Variants in PIN4 observed in about 807,000 individuals in gnomAD.
PIN4 encodes peptidylprolyl cis/trans isomerase, NIMA-interacting 4.
In PIN4, 3 loss-of-function variants were observed where a neutral mutation model predicts 8.3. The ratio of observed to expected loss-of-function variants is 0.36; its 90% confidence interval spans 0.16 to 0.93. The LOEUF (loss-of-function observed/expected upper bound fraction) is 0.93. Ranked by LOEUF, PIN4 falls within the 40% of genes least tolerant of loss-of-function variation. The probability of loss-of-function intolerance (pLI) is 0.44; values close to 1 mark genes in which losing one functional copy is unlikely to be tolerated. For missense variants in PIN4, 75 were observed against 100.6 expected (o/e 0.75, Z 1.09); for synonymous variants, 18 against 32.5 (o/e 0.55, Z 1.52).
intron 2 of PIN4, among the ~76,000 whole-genome samples, chrX:72,195,771 C>T (rs928087219): frequency 8.9e-6 from 1 of 111,819 alleles, no homozygotes; most frequent in Admixed American, 9.5e-5. Flanking sequence ...ACATAGGTCC[C>T]GTTATCATTG....
intron 3 of PIN4, among the ~76,000 whole-genome samples, chrX:72,242,750 T>G (rs1270641309): frequency 1.8e-5 from 2 of 112,837 alleles, no homozygotes; most frequent in African/African-American, 3.2e-5. Flanking sequence ...GCTCAGTGGC[T>G]CACGCCTGTA....
intron 3 of PIN4, among the ~76,000 whole-genome samples, chrX:72,213,682 G>A (rs1445295761): frequency 1.8e-5 from 2 of 112,192 alleles, no homozygotes; most frequent in Admixed American, 9.4e-5. Flanking sequence ...CATTGTTCCT[G>A]CATGGCTAAG....
At chrX:72,204,967 C>G in intron 3 of PIN4, 7 of 1,019,274 alleles carry the variant, frequency 6.9e-6, no homozygotes, top group Non-Finnish European at 9.2e-6. Context: ...AACAAAAATT[C>G]CCTCATATTC....
intron 1 of PIN4, among the ~76,000 whole-genome samples, chrX:72,183,955 G>A: frequency 8.9e-6 from 1 of 111,852 alleles, no homozygotes; most frequent in South Asian, 3.7e-4. Context: ...CTGGAATATC[G>A]TAATGGAAGA....
intron 3 of PIN4, among the ~76,000 whole-genome samples, chrX:72,203,522 G>A (rs2042799655): frequency 1.8e-5 from 2 of 111,524 alleles, no homozygotes; most frequent in African/African-American, 6.5e-5. Flanking sequence ...GGGTAGTGTC[G>A]AAACAGAATC....
chrX:72,242,786 C>A (rs1485573175), intron 3 of PIN4, among the ~76,000 whole-genome samples: 1 of 112,188 alleles, frequency 8.9e-6, no homozygotes, highest in African/African-American at 3.2e-5. Context: ...GAGGCCGAGG[C>A]GGGCGGATCA....
chrX:72,207,509 G>A lies in PIN4; in HGVS notation c.312+10605G>A, dbSNP rs755486370. 53 of 1,208,472 alleles carry A rather than the reference G, an allele frequency of 4.4e-5. No homozygotes were observed. Among genetic ancestry groups the A allele is most frequent in the Non-Finnish European group, 5.3e-5 (47 of 894,263 alleles). ...CCAAGATTTAGCAAACAACAAGCCC[G>A]TGCAGACAGCAGCCTAGGATGATCA... On this transcript the variant is annotated intron_variant, in intron 3 of 3. Transcript: ENST00000423432.
intron 3 of PIN4, among the ~76,000 whole-genome samples, chrX:72,204,026 A>C (rs1481367969): frequency 1.8e-5 from 2 of 112,164 alleles, no homozygotes; most frequent in African/African-American, 6.5e-5. Flanking sequence ...AGAATGGCTA[A>C]ATGGTCAGCA....
At chrX:72,225,866 C>A (rs1389580282) in intron 3 of PIN4, among the ~76,000 whole-genome samples, 1 of 111,580 alleles carries the variant, frequency 9.0e-6, no homozygotes, top group African/African-American at 3.3e-5. Flanking sequence ...TGGGAGACTC[C>A]CTCCAACTGG....
chrX:72,208,173 A>G, intron 3 of PIN4: 1 of 1,211,813 alleles, frequency 8.3e-7, no homozygotes, highest in Non-Finnish European at 1.1e-6. Context: ...ATGTAGTGAT[A>G]ATAACACCAT....
intron 3 of PIN4, chrX:72,205,906 T>C: frequency 8.3e-7 from 1 of 1,211,331 alleles, no homozygotes; most frequent in Non-Finnish European, 1.1e-6. Context: ...CAAGAAAAGA[T>C]TGAAATCACA....
intron 3 of PIN4, among the ~76,000 whole-genome samples, chrX:72,218,555 A>C (rs1352016893): frequency 9.4e-5 from 10 of 106,054 alleles, no homozygotes; most frequent in African/African-American, 3.5e-4. Context: ...GTGCAGTGGC[A>C]CGGTCTTGGT....
intron 3 of PIN4, among the ~76,000 whole-genome samples, chrX:72,251,929 T>TA (rs2043089135): frequency 9.1e-6 from 1 of 109,872 alleles, no homozygotes; most frequent in South Asian, 3.9e-4. Flanking sequence ...ACCCTGTCTC[T>TA]AAAAAAAACC....
intron 1 of PIN4, among the ~76,000 whole-genome samples, chrX:72,184,930 C>T (rs1462868594): frequency 3.7e-5 from 4 of 108,956 alleles, no homozygotes; most frequent in Non-Finnish European, 7.6e-5. Flanking sequence ...ATCACGAGGT[C>T]AGGAGATCGA....
chrX:72,205,093 TTAAC>T, intron 3 of PIN4: 5 of 1,211,744 alleles, frequency 4.1e-6, no homozygotes, highest in Non-Finnish European at 5.6e-6. Context: ...GTCAAGCGCT[TTAAC>T]TAAGCAGTTT....
At chrX:72,189,457 A>G (rs183948338) in intron 2 of PIN4, among the ~76,000 whole-genome samples, 3 of 112,121 alleles carry the variant, frequency 2.7e-5, no homozygotes, top group Non-Finnish European at 5.6e-5. Flanking sequence ...ATAATACAGT[A>G]TGTAACCTTT....
At chrX:72,259,928 G>A (rs1393550308) in intron 3 of PIN4, among the ~76,000 whole-genome samples, 2 of 106,345 alleles carry the variant, frequency 1.9e-5, no homozygotes, top group Non-Finnish European at 3.9e-5. Flanking sequence ...TAGTATAGAC[G>A]GGGTTTCACC....
At chrX:72,184,607 C>T (rs2042689905) in intron 1 of PIN4, among the ~76,000 whole-genome samples, 1 of 111,377 alleles carries the variant, frequency 9.0e-6, no homozygotes, top group African/African-American at 3.3e-5. Context: ...TGACAGCATC[C>T]AGCAGGGAAG....
At chrX:72,188,618 C>G (rs770053753) in intron 2 of PIN4, among the ~76,000 whole-genome samples, 1 of 112,347 alleles carries the variant, frequency 8.9e-6, no homozygotes, top group East Asian at 2.8e-4. Flanking sequence ...CTCGGCCTCC[C>G]AAAGTGCTGG....
Sources: allele counts gnomAD v4.1 joint callset (sites outside exome capture counted in the v4.1 genomes callset), GRCh38; gene constraint gnomAD v4.1.1; transcripts MANE v1.5; gene names NCBI Gene and HGNC (gene_info 2026-07-23, HGNC 2026-07-21).